The following CSMD1 variants were observed in gnomAD, a reference collection of about 807,000 sequenced individuals.
The protein encoded by CSMD1 is CUB and sushi domain-containing protein 1.
A neutral mutation model predicts 417.5 loss-of-function variants in CSMD1; 213 were observed. That is an observed-to-expected ratio of 0.51 (90% confidence interval 0.46 to 0.57). The LOEUF is 0.57. Among genes scored for constraint, CSMD1 ranks in the 20% least tolerant of loss-of-function variants. The pLI is 0.00. For missense variants in CSMD1, 6,923 were observed against 4,529.7 expected (o/e 1.53, Z -15.17); for synonymous variants, 2,862 against 1,736.8 (o/e 1.65, Z -16.11).
chr8:3,280,550 G>C (rs1301090341), intron 26 of CSMD1, among the ~76,000 whole-genome samples: 1 of 152,092 alleles, frequency 6.6e-6, no homozygotes, highest in Non-Finnish European at 1.5e-5. Context: ...GAGTATTTCT[G>C]AAAATTTATA....
At chr8:4,120,897 A>C (rs552180588) in intron 3 of CSMD1, among the ~76,000 whole-genome samples, 81 of 152,214 alleles carry the variant, frequency 5.3e-4, no homozygotes, top group African/African-American at 1.9e-3. Context: ...TACACCATGG[A>C]ATTTATTTAG....
rs147861966 is a variant in CSMD1 at position 3,728,196 on chromosome 8, A to G, written c.932-19705T>C. Among the ~76,000 whole-genome samples the G allele has an allele frequency of 4.7e-3, 710 of 152,258 alleles. 6 individuals carry two copies. The highest frequency in any genetic ancestry group is 0.016 in the African/African-American group (666 of 41,562). ...CCCCATACTGTTCTCATGGTAGTGA[A>G]TAAGTCTCATGTGATCTGATGGTTT... On this transcript the variant is annotated intron_variant, in intron 6 of 69. Coordinates refer to ENST00000635120, the MANE Select transcript of CSMD1 (RefSeq NM_033225.6).
At chr8:4,659,553 A>G (rs1161030940) in intron 1 of CSMD1, among the ~76,000 whole-genome samples, 1 of 152,162 alleles carries the variant, frequency 6.6e-6, no homozygotes, top group Non-Finnish European at 1.5e-5. Flanking sequence ...CACAGACAGT[A>G]CAATTTCACA....
chr8:4,160,978 A>T (rs1003082221), intron 3 of CSMD1, among the ~76,000 whole-genome samples: 1 of 152,108 alleles, frequency 6.6e-6, no homozygotes, highest in Non-Finnish European at 1.5e-5. Flanking sequence ...AAAAATTGTT[A>T]ATTATTCTTT....
chr8:4,941,661 C>A (rs943740040), intron 1 of CSMD1, among the ~76,000 whole-genome samples: 3 of 151,752 alleles, frequency 2.0e-5, no homozygotes. Flanking sequence ...TACAGTACCA[C>A]AATCACAGCT....
intron 3 of CSMD1, among the ~76,000 whole-genome samples, chr8:4,403,917 C>G (rs1180670941): frequency 6.6e-6 from 1 of 152,196 alleles, no homozygotes; most frequent in African/African-American, 2.4e-5. Flanking sequence ...CCCGCATTAA[C>G]TCCAATCTTC....
At chr8:4,804,581 G>A (rs1201543589) in intron 1 of CSMD1, among the ~76,000 whole-genome samples, 3 of 151,764 alleles carry the variant, frequency 2.0e-5, no homozygotes, top group East Asian at 3.9e-4. Context: ...ATTAGGGAGG[G>A]AGGAAGGAAG....
At chr8:4,099,690 A>G (rs1378699438) in intron 3 of CSMD1, among the ~76,000 whole-genome samples, 2 of 152,086 alleles carry the variant, frequency 1.3e-5, no homozygotes, top group Non-Finnish European at 2.9e-5. Context: ...ACAAACAAAC[A>G]AAACCTCTTC....
chr8:3,440,941 G>C (rs546269462), intron 12 of CSMD1, among the ~76,000 whole-genome samples: 1 of 152,150 alleles, frequency 6.6e-6, no homozygotes, highest in Non-Finnish European at 1.5e-5. Flanking sequence ...TGGTGACTGT[G>C]ATTTTATTTG....
rs186597022 is a variant in CSMD1, at chr8:3,977,557, A to C, written c.818+20346T>G. Among the ~76,000 whole-genome samples the C allele has an allele frequency of 5.8e-4, 89 of 152,292 alleles. No homozygotes were observed. The East Asian group carries it at 0.016, about 28-fold the overall frequency. Reference sequence around the variant, plus strand: ...CTGTTCAGAGCAGCAAACATTTTTAATACTTTGTGACTCTGGCACAAAGCC... The same window carrying C: ...CTGTTCAGAGCAGCAAACATTTTTACTACTTTGTGACTCTGGCACAAAGCC... On this transcript the variant is annotated intron_variant, in intron 5 of 69. Coordinates refer to ENST00000635120, the MANE Select transcript of CSMD1 (RefSeq NM_033225.6).
At chr8:3,750,348 A>G (rs1301772297) in intron 6 of CSMD1, among the ~76,000 whole-genome samples, 1 of 149,870 alleles carries the variant, frequency 6.7e-6, no homozygotes, top group Admixed American at 6.7e-5. Flanking sequence ...TATATCATAT[A>G]TATATGATTC....
At position 4,421,829 on chromosome 8, in the gene CSMD1, C is replaced by T. The variant is rs2918047; in HGVS notation, c.303-1764G>A. On this transcript the variant is annotated intron_variant, in intron 2 of 69. Transcript: ENST00000635120. ...CAGAAAGCAAAAAACAAGAAAAGTA[C>T]AGAAATCAATAAAATTGAAAGAAAA... Among the ~76,000 whole-genome samples the T allele has an allele frequency of 7.3e-3, 1,111 of 151,238 alleles. 11 individuals are homozygous for T. The highest frequency in any genetic ancestry group is 0.025 in the African/African-American group (1,021 of 41,296).
At chr8:3,368,840 G>T (rs1809769980) in intron 19 of CSMD1, among the ~76,000 whole-genome samples, 1 of 152,154 alleles carries the variant, frequency 6.6e-6, no homozygotes, top group Admixed American at 6.5e-5. Flanking sequence ...TATTCATTAT[G>T]TATGATGATA....
At chr8:4,020,458 C>T (rs1449341130) in intron 4 of CSMD1, among the ~76,000 whole-genome samples, 2 of 152,298 alleles carry the variant, frequency 1.3e-5, no homozygotes, top group African/African-American at 4.8e-5. Flanking sequence ...TAGGATAGGG[C>T]TTGGTTATGT....
intron 7 of CSMD1, among the ~76,000 whole-genome samples, chr8:3,676,691 G>C (rs573075456): frequency 1.3e-5 from 2 of 152,208 alleles, no homozygotes; most frequent in African/African-American, 2.4e-5. Context: ...TCTTAAAGAT[G>C]ACTGTCCATT....
intron 1 of CSMD1, among the ~76,000 whole-genome samples, chr8:4,726,965 G>A (rs1286168328): frequency 6.6e-6 from 1 of 152,050 alleles, no homozygotes. Context: ...AAAAATACAT[G>A]GATGAGATGA....
chr8:4,765,620 T>G (rs1015378973), intron 1 of CSMD1, among the ~76,000 whole-genome samples: 1 of 152,220 alleles, frequency 6.6e-6, no homozygotes, highest in Non-Finnish European at 1.5e-5. Flanking sequence ...AAAAATTGGA[T>G]GCAAGGCAGA....
intron 26 of CSMD1, among the ~76,000 whole-genome samples, chr8:3,277,160 G>T (rs1412024039): frequency 1.3e-5 from 2 of 152,224 alleles, no homozygotes; most frequent in African/African-American, 4.8e-5. Context: ...CAGAGTGGAG[G>T]ATGGTGATTG....
intron 3 of CSMD1, among the ~76,000 whole-genome samples, chr8:4,340,650 C>G (rs781637358): frequency 6.6e-6 from 1 of 151,988 alleles, no homozygotes; most frequent in Admixed American, 6.6e-5. Flanking sequence ...GGAGCTTGGT[C>G]GTGAATTATA....
Sources: gnomAD v4.1 joint callset for allele counts (sites outside exome capture counted in the v4.1 genomes callset) on GRCh38, gnomAD v4.1.1 for gene constraint, MANE v1.5 for transcripts, NCBI Gene and HGNC (gene_info 2026-07-23, HGNC 2026-07-21) for gene names.